Variants in USO1 observed in about 807,000 individuals in gnomAD.
USO1 encodes USO1 vesicle transport factor.
A neutral mutation model predicts 124.5 loss-of-function variants in USO1; 57 were observed. That is an observed-to-expected ratio of 0.46 (90% confidence interval 0.37 to 0.57). The LOEUF is 0.57. Ranked by LOEUF, USO1 falls within the 20% of genes least tolerant of loss-of-function variation. The pLI is 0.00. For missense variants in USO1, 900 were observed against 1,040.6 expected (o/e 0.86, Z 1.86); for synonymous variants, 369 against 362.8 (o/e 1.02, Z -0.19).
intron 1 of USO1, among the ~76,000 whole-genome samples, chr4:75,751,927 T>C (rs969634273): frequency 3.3e-5 from 5 of 152,198 alleles, no homozygotes; most frequent in African/African-American, 7.2e-5. Context: ...AGTTTTGATA[T>C]AAAGTTTTGA....
chr4:75,783,255 A>G (rs1277495715), intron 9 of USO1, among the ~76,000 whole-genome samples: 1 of 152,326 alleles, frequency 6.6e-6, no homozygotes, highest in East Asian at 1.9e-4. Context: ...GTTCAAATAA[A>G]TTCATTCAGT....
Position 75,805,161 on chromosome 4 carries a change from G to A in USO1, c.2147G>A (p.Gly716Asp). 3 of 1,603,256 alleles carry A rather than the reference G, an allele frequency of 1.9e-6. No homozygotes were observed. Among genetic ancestry groups the A allele is most frequent in the Non-Finnish European group, 2.6e-6 (3 of 1,175,676 alleles). Reference sequence around the variant, plus strand: ...ACAGGAAAAGACAATCAGCATCAAGGTTCTTACAGTGAGGGGGCTCAGATG... The same window carrying A: ...ACAGGAAAAGACAATCAGCATCAAGATTCTTACAGTGAGGGGGCTCAGATG... Reference protein sequence around the residue: ...IQLGKDNQHQGSYSEGAQMNG... With the variant: ...IQLGKDNQHQDSYSEGAQMNG... Residue 716 changes from glycine (G) to aspartate (D), a missense_variant, in exon 19 of 24, where the codon GGT (glycine) becomes GAT (aspartate). By Grantham distance (94) the Gly-to-Asp change is moderately conservative. Transcript: ENST00000514213.
At chr4:75,810,753 A>G (rs1384264709) in intron 22 of USO1, among the ~76,000 whole-genome samples, 1 of 151,818 alleles carries the variant, frequency 6.6e-6, no homozygotes, top group Non-Finnish European at 1.5e-5. Flanking sequence ...TTTTTTTGAG[A>G]TGGAGTTTCG....
intron 1 of USO1, 96 bp downstream of exon 1, chr4:75,724,981 C>A: frequency 1.5e-6 from 2 of 1,377,346 alleles, no homozygotes; most frequent in Admixed American, 2.1e-5. Context: ...AGCGTCCCAC[C>A]ATGGAGGGGG....
At chr4:75,800,201 T>G (rs2149188964) in intron 14 of USO1, 150 bp from the exon 15 acceptor site, 1 of 908,288 alleles carries the variant, frequency 1.1e-6, no homozygotes, top group East Asian at 3.4e-5. Context: ...CCTCCCAAAG[T>G]GCTGAGATTA....
intron 1 of USO1, among the ~76,000 whole-genome samples, chr4:75,737,578 C>T (rs954709479): frequency 2.0e-5 from 3 of 151,914 alleles, no homozygotes; most frequent in African/African-American, 4.8e-5. Context: ...GCGTGTAGTC[C>T]CAGCTACTTG....
chr4:75,789,194 G>A (rs1367110175), intron 10 of USO1, among the ~76,000 whole-genome samples: 1 of 152,044 alleles, frequency 6.6e-6, no homozygotes, highest in Non-Finnish European at 1.5e-5. Context: ...ATCATTCACT[G>A]AGCACTTTCA....
chr4:75,724,582 T>C lies in USO1; in HGVS notation c.-238T>C. On this transcript the variant is annotated 5_prime_UTR_variant, in exon 1 of 24. Coordinates refer to ENST00000514213, the MANE Select transcript of USO1 (RefSeq NM_003715.4). ...GGTTCCTCTCGCCTCCGCTCCCCTT[T>C]TGCCTTCAACCTTCGAGCCGCCACG... 1.8e-6 allele frequency: 1 copy of C among 542,688 alleles called. No homozygotes were observed. The highest frequency in any genetic ancestry group is 3.3e-6 in the Non-Finnish European group (1 of 304,048). The allele number at this position is 542,688 out of a possible 1,614,324, so 33.6% of individuals were successfully genotyped here.
chr4:75,770,298 T>C (rs1271355400), intron 4 of USO1, 141 bp from the exon 5 acceptor site: 2 of 610,550 alleles, frequency 3.3e-6, no homozygotes, highest in Non-Finnish European at 5.1e-6. Flanking sequence ...ACATAATAAT[T>C]GTGATATTGC....
intron 1 of USO1, among the ~76,000 whole-genome samples, chr4:75,751,507 C>T (rs1183755406): frequency 4.1e-5 from 6 of 147,884 alleles, no homozygotes; most frequent in African/African-American, 1.5e-4. Context: ...CCACTGAGCC[C>T]GGCCAAGATT....
Position 75,748,064 on chromosome 4 carries a change from C to T in USO1, c.67-4309C>T, listed in dbSNP as rs558459049. ...CTGGAATTACAGGCATGTATCACCA[C>T]GCCCAGCTAATTTTGTATTTTCAGT... On this transcript the variant is annotated intron_variant, in intron 1 of 23. Coordinates refer to ENST00000514213, the MANE Select transcript of USO1 (RefSeq NM_003715.4). Among the ~76,000 whole-genome samples, 31 of 151,726 alleles carry T rather than the reference C, an allele frequency of 2.0e-4. 1 individual carries two copies. The South Asian group carries it at 2.3e-3, about 11-fold the overall frequency.
rs906133157 is a variant in USO1 at position 75,724,667 on chromosome 4, A to G, written c.-153A>G. 8.7e-6 allele frequency: 6 copies of G among 687,322 alleles called. No homozygotes were observed. The highest frequency in any genetic ancestry group is 7.5e-5 in the African/African-American group (4 of 53,108). The allele number at this position is 687,322 out of a possible 1,614,324, so 42.6% of individuals were successfully genotyped here. A position where few individuals can be genotyped will look rare whatever the true frequency, so the allele number is the denominator to read the frequency against. On this transcript the variant is annotated 5_prime_UTR_variant, in exon 1 of 24. It removes the in-frame stop codon of an upstream open reading frame in the 5' UTR. Coordinates refer to ENST00000514213, the MANE Select transcript of USO1 (RefSeq NM_003715.4). ...GCTGCTGGCGGCTGTTTCCGGGCTT[A>G]GAGGGCTGGAGTGGCCGCCGAGTTG...
intron 20 of USO1, among the ~76,000 whole-genome samples, chr4:75,808,739 ATT>A (rs10683487): frequency 7.1e-6 from 1 of 141,636 alleles, no homozygotes. Flanking sequence ...GTCTTTTATG[ATT>A]TTTTTTTTTT....
rs767801009 is a variant in USO1 at position 75,724,926 on chromosome 4, G to A, written c.66+41G>A. ...GGTCTGGGACTTGGGAAGGGGTCCG[G>A]GCAGGGACGGGGACGGAGCACTCGG... On this transcript the variant is annotated intron_variant, in intron 1 of 23. Coordinates refer to ENST00000514213, the MANE Select transcript of USO1 (RefSeq NM_003715.4). The A allele has an allele frequency of 3.7e-6, 6 of 1,609,220 alleles. No homozygotes were observed. The South Asian group carries it at 6.6e-5, about 18-fold the overall frequency.
At position 75,724,815 on chromosome 4, in the gene USO1, G is replaced by A. The variant is rs761674942; in HGVS notation, c.-5G>A. The A allele has an allele frequency of 9.9e-6, 16 of 1,613,740 alleles. No individual in the cohort carries two copies. The Admixed American group carries it at 2.7e-4, about 27-fold the overall frequency. On this transcript the variant is annotated 5_prime_UTR_variant, in exon 1 of 24. Transcript: ENST00000514213. ...GGCCGGTAAACCTGGTGGCTGAACG[G>A]CAAGATGAATTTCCTCCGCGGGGTA...
At chr4:75,740,375 A>G (rs188566898) in intron 1 of USO1, among the ~76,000 whole-genome samples, 3 of 152,216 alleles carry the variant, frequency 2.0e-5, no homozygotes, top group Non-Finnish European at 2.9e-5. Flanking sequence ...GCAGTCTCAA[A>G]CTACTGGGCT....
At chr4:75,786,499 A>G (rs1281518070) in intron 9 of USO1, among the ~76,000 whole-genome samples, 1 of 152,182 alleles carries the variant, frequency 6.6e-6, no homozygotes, top group Non-Finnish European at 1.5e-5. Context: ...CATGTTTCTG[A>G]AATTTTATGT....
intron 4 of USO1, 81 bp downstream of exon 4, chr4:75,757,654 G>A: frequency 7.9e-7 from 1 of 1,262,806 alleles, no homozygotes; most frequent in Non-Finnish European, 1.0e-6. Flanking sequence ...TTTAAAGTTG[G>A]ACTTGTTTTA....
At chr4:75,791,656 T>C (rs904462404) in intron 12 of USO1, among the ~76,000 whole-genome samples, 3 of 152,260 alleles carry the variant, frequency 2.0e-5, no homozygotes, top group Non-Finnish European at 4.4e-5. Context: ...TTACCTAAGA[T>C]AAATTTTTTA....
Sources: allele counts gnomAD v4.1 joint callset (sites outside exome capture counted in the v4.1 genomes callset), GRCh38; gene constraint gnomAD v4.1.1; transcripts MANE v1.5; gene names NCBI Gene and HGNC (gene_info 2026-07-23, HGNC 2026-07-21).